The following SEC63 variants were observed in gnomAD, a reference collection of about 807,000 sequenced individuals.
SEC63 encodes the protein SEC63 protein translocation regulator.
In SEC63, 56 loss-of-function variants were observed where a neutral mutation model predicts 116.2. The observed-to-expected ratio is 0.48, with a 90% CI of 0.39 to 0.60. The LOEUF is 0.60. SEC63 is among the 20% of genes least tolerant of loss of function. The pLI is 0.00. For missense variants in SEC63, 668 were observed against 900.0 expected, an observed-to-expected ratio of 0.74 and a Z score of 3.30; for synonymous variants, 273 against 294.6, an observed-to-expected ratio of 0.93 and a Z score of 0.75.
chr6:107,886,061 A>G (rs1054802236), intron 16 of SEC63, among the ~76,000 whole-genome samples: 1 of 152,004 alleles, frequency 6.6e-6, no homozygotes, highest in Non-Finnish European at 1.5e-5. Flanking sequence ...CCCTGTGTCC[A>G]TGTGTTCTCA....
intron 16 of SEC63, among the ~76,000 whole-genome samples, chr6:107,891,673 G>A (rs1388983347): frequency 6.6e-6 from 1 of 152,150 alleles, no homozygotes; most frequent in Non-Finnish European, 1.5e-5. Flanking sequence ...TTTTTGGGCT[G>A]ATTTCTCCCC....
intron 19 of SEC63, among the ~76,000 whole-genome samples, chr6:107,875,177 C>T (rs1786234282): frequency 6.6e-6 from 1 of 151,962 alleles, no homozygotes; most frequent in East Asian, 1.9e-4. Context: ...GGCCCTGGTT[C>T]TTAAGGGATA....
chr6:107,891,463 C>T (rs925374673), intron 16 of SEC63, among the ~76,000 whole-genome samples: 10 of 151,764 alleles, frequency 6.6e-5, no homozygotes, highest in South Asian at 2.1e-4. Context: ...GTTAGCAATT[C>T]GTCTTTTTCA....
chr6:107,882,053 T>C (rs913096171), intron 17 of SEC63, among the ~76,000 whole-genome samples: 1 of 152,196 alleles, frequency 6.6e-6, no homozygotes, highest in East Asian at 1.9e-4. Flanking sequence ...CAGATTTTAG[T>C]TTCCTGGCAA....
At chr6:107,944,428 C>T (rs1236258228) in intron 1 of SEC63, among the ~76,000 whole-genome samples, 2 of 152,062 alleles carry the variant, frequency 1.3e-5, no homozygotes, top group African/African-American at 2.4e-5. Context: ...CTAGGTGCAG[C>T]GGCTCATGCC....
chr6:107,874,230 G>A (rs115483756), intron 19 of SEC63, among the ~76,000 whole-genome samples: 3 of 152,158 alleles, frequency 2.0e-5, no homozygotes, highest in South Asian at 2.1e-4. Context: ...AGACAAATTC[G>A]TATTAAATGA....
chr6:107,913,456 T>C, intron 4 of SEC63, 29 bp from the exon 5 acceptor site: 1 of 1,553,050 alleles, frequency 6.4e-7, no homozygotes, highest in Non-Finnish European at 8.9e-7. Flanking sequence ...AGTTGCAAAA[T>C]TAGAAAGCCA....
Position 107,893,464 on chromosome 6 carries a change from C to CGAT in SEC63, c.1674+15_1674+17dup. ...TATTTTAGCTTAATAATGATAATAA[C>CGAT]GATAATAATAAACTTACATTCCCAA... On this transcript the variant is annotated intron_variant, in intron 16 of 20. Coordinates refer to ENST00000369002, the MANE Select transcript of SEC63 (RefSeq NM_007214.5). 6.2e-7 allele frequency: 1 copy of CGAT among 1,606,228 alleles called. No homozygotes were observed. Among genetic ancestry groups the CGAT allele is most frequent in the Non-Finnish European group, 8.5e-7 (1 of 1,174,852 alleles).
At chr6:107,947,051 C>A (rs1180779211) in intron 1 of SEC63, among the ~76,000 whole-genome samples, 1 of 151,950 alleles carries the variant, frequency 6.6e-6, no homozygotes, top group East Asian at 1.9e-4. Context: ...TAAGACATAT[C>A]CCTTTGAATA....
At chr6:107,911,219 G>C in intron 7 of SEC63, 127 bp downstream of exon 7, 2 of 742,592 alleles carry the variant, frequency 2.7e-6, no homozygotes, top group South Asian at 3.2e-5. Context: ...ACCTTCAGTG[G>C]CAAGACTCTT....
intron 1 of SEC63, among the ~76,000 whole-genome samples, chr6:107,947,733 T>C (rs1770505303): frequency 6.6e-6 from 1 of 152,182 alleles, no homozygotes; most frequent in Admixed American, 6.5e-5. Context: ...TCAGTACTTA[T>C]ATTCAATAAA....
At chr6:107,900,824 C>T (rs1433395874) in intron 13 of SEC63, among the ~76,000 whole-genome samples, 1 of 152,040 alleles carries the variant, frequency 6.6e-6, no homozygotes, top group Non-Finnish European at 1.5e-5. Flanking sequence ...TATTCTAAGA[C>T]CATTCAGATA....
At chr6:107,878,673 T>G (rs1449299294) in intron 18 of SEC63, among the ~76,000 whole-genome samples, 1 of 152,150 alleles carries the variant, frequency 6.6e-6, no homozygotes, top group Non-Finnish European at 1.5e-5. Context: ...CTGACCAACA[T>G]GGAGAAACCC....
chr6:107,896,872 G>A (rs764264947), intron 14 of SEC63, among the ~76,000 whole-genome samples: 3 of 151,896 alleles, frequency 2.0e-5, no homozygotes, highest in African/African-American at 7.3e-5. Context: ...CCAGCTACTC[G>A]GGAGGCTGAG....
intron 19 of SEC63, 38 bp downstream of exon 19, chr6:107,876,526 C>T (rs1027888971): frequency 4.2e-6 from 5 of 1,197,164 alleles, no homozygotes; most frequent in Non-Finnish European, 6.2e-6. Context: ...GACAGCTGTG[C>T]CTTGTTAAAC....
At chr6:107,945,790 T>C (rs1770470376) in intron 1 of SEC63, among the ~76,000 whole-genome samples, 2 of 152,114 alleles carry the variant, frequency 1.3e-5, no homozygotes, top group Non-Finnish European at 2.9e-5. Context: ...AAAAGTATGA[T>C]TAAGGGAACA....
intron 4 of SEC63, among the ~76,000 whole-genome samples, chr6:107,916,473 C>T (rs1054924435): frequency 2.0e-5 from 3 of 152,234 alleles, no homozygotes; most frequent in African/African-American, 7.2e-5. Flanking sequence ...AAGGTGATAT[C>T]TCCCAAACTT....
intron 12 of SEC63, 44 bp downstream of exon 12, chr6:107,902,800 A>G (rs201739400): frequency 6.3e-7 from 1 of 1,581,416 alleles, no homozygotes; most frequent in African/African-American, 1.3e-5. Context: ...TTTAAGTGAC[A>G]GGACAAACTG....
intron 3 of SEC63, among the ~76,000 whole-genome samples, chr6:107,924,011 T>C (rs1787614476): frequency 6.6e-6 from 1 of 152,146 alleles, no homozygotes; most frequent in South Asian, 2.1e-4. Context: ...ACGCCTGTAA[T>C]CCCAGCACTT....
Sources: allele counts gnomAD v4.1 joint callset (sites outside exome capture counted in the v4.1 genomes callset), GRCh38; gene constraint gnomAD v4.1.1; transcripts MANE v1.5; gene names NCBI Gene and HGNC (gene_info 2026-07-23, HGNC 2026-07-21).